The following ETV6 variants were observed in gnomAD, a reference collection of about 807,000 sequenced individuals.
The protein encoded by ETV6 is ETS variant transcription factor 6, also known as transcription factor ETV6.
Under a neutral mutation model 51.1 loss-of-function variants are expected in ETV6, and 16 were observed. That is an observed-to-expected ratio of 0.31 (90% confidence interval 0.21 to 0.48). The LOEUF (loss-of-function observed/expected upper bound fraction) is 0.48, where lower values mean the gene tolerates loss of function less well. Ranked by LOEUF, ETV6 falls within the 20% of genes least tolerant of loss-of-function variation. The pLI, the probability that ETV6 is intolerant of heterozygous loss-of-function variation, is 0.99. For missense variants in ETV6, 458 were observed against 594.8 expected (o/e 0.77, Z 2.39); for synonymous variants, 240 against 224.1 (o/e 1.07, Z -0.64).
intron 1 of ETV6, among the ~76,000 whole-genome samples, chr12:11,741,267 G>A (rs1865803746): frequency 6.6e-6 from 1 of 152,184 alleles, no homozygotes; most frequent in Non-Finnish European, 1.5e-5. Flanking sequence ...AACCTTGACA[G>A]CCATCATGTG....
chr12:11,650,211 G>T (rs1292032069), intron 1 of ETV6, 51 bp downstream of exon 1: 1 of 1,522,672 alleles, frequency 6.6e-7, no homozygotes, highest in African/African-American at 1.4e-5. Flanking sequence ...GAGCTGCACC[G>T]GCCAGGGCAG....
At chr12:11,672,408 G>A (rs1864335445) in intron 1 of ETV6, among the ~76,000 whole-genome samples, 1 of 152,152 alleles carries the variant, frequency 6.6e-6, no homozygotes, top group Non-Finnish European at 1.5e-5. Flanking sequence ...AGAGAGACAA[G>A]CTGGCAAAAG....
In ETV6 at chr12:11,870,023, C is replaced by T. The variant is rs1292140336; in HGVS notation, c.1009+54C>T. 8 of 1,544,546 alleles carry T rather than the reference C, an allele frequency of 5.2e-6. No individual in the cohort carries two copies. The African/African-American group carries it at 1.1e-4, about 21-fold the overall frequency. ...GCATCATGGGGACCTGACAAAGTCC[C>T]ACTCTCCCCTGTGATCTTTGCAGCC... On this transcript the variant is annotated intron_variant, in intron 5 of 7. Coordinates refer to ENST00000396373, the MANE Select transcript of ETV6 (RefSeq NM_001987.5).
chr12:11,847,179 A>G (rs1412358230), intron 3 of ETV6, among the ~76,000 whole-genome samples: 2 of 152,158 alleles, frequency 1.3e-5, no homozygotes, highest in African/African-American at 4.8e-5. Flanking sequence ...GGTCTTGGTG[A>G]CCACTTTCAT....
chr12:11,883,221 C>T (rs1370429423), intron 5 of ETV6, among the ~76,000 whole-genome samples: 2 of 149,644 alleles, frequency 1.3e-5, no homozygotes, highest in Non-Finnish European at 3.0e-5. Context: ...CACACCTTCA[C>T]AGCACACATC....
In ETV6 at chr12:11,675,424, A is replaced by T. The variant is rs1372481295; in HGVS notation, c.33+25264A>T. The stretch of plus-strand genomic sequence containing the variant: ...ATCCTTTTGGAAAATATACTTTCTC[A>T]AACTTCATGTTGTATCCCTCTAAAG... On this transcript the variant is annotated intron_variant, in intron 1 of 7. Transcript: ENST00000396373. Among the ~76,000 whole-genome samples the T allele has an allele frequency of 2.6e-5, 4 of 152,250 alleles. No individual in the cohort carries two copies. The East Asian group carries it at 7.7e-4, about 29-fold the overall frequency.
intron 1 of ETV6, among the ~76,000 whole-genome samples, chr12:11,730,833 A>G (rs1865581378): frequency 6.6e-6 from 1 of 152,190 alleles, no homozygotes. Context: ...GCTCTTCCCT[A>G]GAATATTATA....
intron 1 of ETV6, among the ~76,000 whole-genome samples, chr12:11,731,539 A>G (rs1364933730): frequency 5.3e-5 from 8 of 152,054 alleles, no homozygotes; most frequent in Non-Finnish European, 1.2e-4. Flanking sequence ...GAGAAGAGAA[A>G]GAATAATTTT....
At chr12:11,794,088 G>A (rs1256463016) in intron 2 of ETV6, among the ~76,000 whole-genome samples, 1 of 152,142 alleles carries the variant, frequency 6.6e-6, no homozygotes, top group Non-Finnish European at 1.5e-5. Flanking sequence ...ACTGACGCCC[G>A]CTGAATCCTG....
chr12:11,679,720 T>C (rs2120738039), intron 1 of ETV6, among the ~76,000 whole-genome samples: 1 of 152,352 alleles, frequency 6.6e-6, no homozygotes, highest in East Asian at 1.9e-4. Flanking sequence ...CCATTATTTG[T>C]AACATTTGAT....
chr12:11,878,821 AGGAG>A (rs1947036816), intron 5 of ETV6, among the ~76,000 whole-genome samples: 2 of 91,998 alleles, frequency 2.2e-5, no homozygotes, highest in African/African-American at 4.2e-5. Context: ...ATAGAGGAGG[AGGAG>A]GGGAAAAAAA....
At chr12:11,722,220 A>G (rs564411320) in intron 1 of ETV6, among the ~76,000 whole-genome samples, 1 of 152,344 alleles carries the variant, frequency 6.6e-6, no homozygotes. Flanking sequence ...GCTAACAAGG[A>G]GAAAAGTCGA....
At chr12:11,854,367 C>T (rs912561940) in intron 4 of ETV6, among the ~76,000 whole-genome samples, 2 of 152,234 alleles carry the variant, frequency 1.3e-5, no homozygotes, top group East Asian at 1.9e-4. Flanking sequence ...CCTAACAGGC[C>T]ATGGACTGGT....
At chr12:11,769,746 A>G (rs3741429) in intron 2 of ETV6, among the ~76,000 whole-genome samples, 112,703 of 152,134 alleles carry the variant, frequency 0.74, 43,441 homozygotes, top group South Asian at 0.94. Context: ...ATGCCCCTTC[A>G]CTCCTCTGGT....
intron 1 of ETV6, among the ~76,000 whole-genome samples, chr12:11,673,881 C>T (rs1864365923): frequency 6.6e-6 from 1 of 152,092 alleles, no homozygotes; most frequent in Non-Finnish European, 1.5e-5. Flanking sequence ...GATTCCATGG[C>T]TCTTGTGAGT....
chr12:11,758,451 G>A (rs184869049), intron 2 of ETV6, among the ~76,000 whole-genome samples: 1 of 152,110 alleles, frequency 6.6e-6, no homozygotes, highest in African/African-American at 2.4e-5. Context: ...AGGACCTAGG[G>A]TTCTGTCTGT....
intron 1 of ETV6, among the ~76,000 whole-genome samples, chr12:11,662,500 A>G (rs967391591): frequency 6.6e-6 from 1 of 152,230 alleles, no homozygotes; most frequent in Non-Finnish European, 1.5e-5. Context: ...GTTGTTAGCC[A>G]TCATGTTGAA....
intron 6 of ETV6, 42 bp downstream of exon 6, chr12:11,884,629 A>G: frequency 1.9e-6 from 3 of 1,610,190 alleles, no homozygotes; most frequent in Non-Finnish European, 2.5e-6. Context: ...CTAGTGCCAA[A>G]ATGAAGTCCT....
At chr12:11,853,747 G>A (rs1038066796) in intron 4 of ETV6, among the ~76,000 whole-genome samples, 186 bp downstream of exon 4, 2 of 152,216 alleles carry the variant, frequency 1.3e-5, no homozygotes, top group African/African-American at 4.8e-5. Context: ...GCGAAGCAGT[G>A]AGATGGATGT....
Sources: gnomAD v4.1 joint callset for allele counts (sites outside exome capture counted in the v4.1 genomes callset) on GRCh38, gnomAD v4.1.1 for gene constraint, MANE v1.5 for transcripts, NCBI Gene and HGNC (gene_info 2026-07-23, HGNC 2026-07-21) for gene names.